Variants in EFNA5 observed in about 807,000 individuals in gnomAD.
EFNA5 encodes the protein ephrin A5.
Under a neutral mutation model 22.9 loss-of-function variants are expected in EFNA5, and 5 were observed. The observed-to-expected ratio is 0.22, with a 90% confidence interval of 0.11 to 0.46. The LOEUF is 0.46. EFNA5 is among the 20% of genes least tolerant of loss of function. The probability of loss-of-function intolerance (pLI) is 0.99; values close to 1 mark genes in which losing one functional copy is unlikely to be tolerated. For missense variants in EFNA5, 237 were observed against 293.3 expected, an observed-to-expected ratio of 0.81 and a Z score of 1.40; for synonymous variants, 113 against 112.2, an observed-to-expected ratio of 1.01 and a Z score of -0.04.
At chr5:107,513,898 AAG>A (rs1418214673) in intron 1 of EFNA5, among the ~76,000 whole-genome samples, 4 of 152,184 alleles carry the variant, frequency 2.6e-5, no homozygotes, top group African/African-American at 9.6e-5. Context: ...GTGATACAGT[AAG>A]AGAGGAGGAT....
chr5:107,597,780 G>A (rs891233849), intron 1 of EFNA5, among the ~76,000 whole-genome samples: 2 of 152,104 alleles, frequency 1.3e-5, no homozygotes, highest in Admixed American at 6.6e-5. Context: ...TGATAAAGGG[G>A]AAACGATATA....
intron 1 of EFNA5, among the ~76,000 whole-genome samples, chr5:107,591,987 TATAATATATATA>T (rs1425986698): frequency 1.4e-4 from 6 of 43,426 alleles, no homozygotes; most frequent in African/African-American, 2.4e-4. Flanking sequence ...ATATATAATA[TATAATATATATA>T]ATATATAATA....
chr5:107,670,482 G>A lies in EFNA5; in HGVS notation c.125+7C>T. ...TAGCCCTGGCTCTCCGCCTGTTATC[G>A]GCTTACCTGGGGTTGCTGCTGTTCC... On this transcript the variant is annotated splice_region_variant and intron_variant, in intron 1 of 4. Coordinates refer to ENST00000333274, the MANE Select transcript of EFNA5 (RefSeq NM_001962.3). 6.4e-7 allele frequency: 1 copy of A among 1,558,970 alleles called. No individual in the cohort carries two copies. Among genetic ancestry groups the A allele is most frequent in the Non-Finnish European group, 8.7e-7 (1 of 1,150,704 alleles).
intron 1 of EFNA5, among the ~76,000 whole-genome samples, chr5:107,479,002 C>T (rs1462230571): frequency 6.6e-6 from 1 of 152,028 alleles, no homozygotes; most frequent in Non-Finnish European, 1.5e-5. Flanking sequence ...ATTGAAAGGG[C>T]TCAATTTAAG....
chr5:107,644,157 T>C (rs901492200), intron 1 of EFNA5, among the ~76,000 whole-genome samples: 6 of 152,252 alleles, frequency 3.9e-5, no homozygotes, highest in Admixed American at 3.9e-4. Flanking sequence ...GAAGTGGCGA[T>C]ACAAGCTGAA....
At chr5:107,624,737 T>C (rs1750111084) in intron 1 of EFNA5, among the ~76,000 whole-genome samples, 1 of 151,870 alleles carries the variant, frequency 6.6e-6, no homozygotes, top group African/African-American at 2.4e-5. Context: ...CCTTAGCTAA[T>C]TCCCTTTAGT....
At chr5:107,523,626 G>A (rs948020103) in intron 1 of EFNA5, among the ~76,000 whole-genome samples, 7 of 152,298 alleles carry the variant, frequency 4.6e-5, no homozygotes, top group African/African-American at 1.7e-4. Flanking sequence ...TATCGTTAAC[G>A]GAGAATACAG....
intron 1 of EFNA5, among the ~76,000 whole-genome samples, chr5:107,629,006 T>C (rs1750192169): frequency 6.6e-6 from 1 of 152,142 alleles, no homozygotes; most frequent in Non-Finnish European, 1.5e-5. Context: ...TCCTAAGTGA[T>C]TTTCCTAAAG....
chr5:107,541,233 C>T (rs144614880), intron 1 of EFNA5, among the ~76,000 whole-genome samples: 3 of 152,072 alleles, frequency 2.0e-5, no homozygotes, highest in East Asian at 1.9e-4. Context: ...ATTATATTCA[C>T]GGTATGATTA....
intron 1 of EFNA5, among the ~76,000 whole-genome samples, chr5:107,496,539 A>ACATGTTTGG (rs80094590): frequency 0.1 from 15,527 of 152,012 alleles, 829 homozygotes; most frequent in East Asian, 0.18. Flanking sequence ...AACGCTACCT[A>ACATGTTTGG]CATGTTTGGT....
intron 1 of EFNA5, among the ~76,000 whole-genome samples, chr5:107,664,609 C>T (rs906093465): frequency 4.6e-5 from 7 of 152,118 alleles, no homozygotes; most frequent in Non-Finnish European, 1.0e-4. Context: ...AATATTAATA[C>T]CTCATTTCTT....
rs70996962 is a variant in EFNA5 at position 107,569,559 on chromosome 5, T to TTATATATATATATATATATATA, written c.125+100908_125+100929dup. Among the ~76,000 whole-genome samples the TTATATATATATATATATATATA allele has an allele frequency of 1.2e-4, 5 of 42,490 alleles. 1 individual carries two copies. Among genetic ancestry groups the TTATATATATATATATATATATA allele is most frequent in the Admixed American group, 2.7e-4 (1 of 3,772 alleles). The allele number at this position is 42,490 out of a possible 152,430, so 27.9% of individuals were successfully genotyped here. A position where few individuals can be genotyped will look rare whatever the true frequency, so the allele number is the denominator to read the frequency against. On this transcript the variant is annotated intron_variant, in intron 1 of 4. Transcript: ENST00000333274. ...TATATATATGTGTGTATATATATAT[T>TTATATATATATATATATATATA]TATATATATATATATATATATATAT...
At chr5:107,521,395 A>C (rs1747592671) in intron 1 of EFNA5, among the ~76,000 whole-genome samples, 1 of 150,808 alleles carries the variant, frequency 6.6e-6, no homozygotes, top group African/African-American at 2.4e-5. Context: ...GACTCAAGTG[A>C]TCCTCCTACC....
chr5:107,495,158 CA>C (rs574445801), intron 1 of EFNA5, among the ~76,000 whole-genome samples: 247 of 152,298 alleles, frequency 1.6e-3, no homozygotes, highest in African/African-American at 5.6e-3. Flanking sequence ...TCGCTCTTTG[CA>C]ATAAATCTTG....
intron 1 of EFNA5, among the ~76,000 whole-genome samples, chr5:107,510,920 G>A (rs1747354177): frequency 6.6e-6 from 1 of 151,694 alleles, no homozygotes; most frequent in Non-Finnish European, 1.5e-5. Context: ...TAAACTACAT[G>A]GTTAATTCAA....
intron 1 of EFNA5, among the ~76,000 whole-genome samples, chr5:107,656,696 C>T (rs1202753842): frequency 2.0e-5 from 3 of 151,946 alleles, no homozygotes; most frequent in African/African-American, 7.3e-5. Context: ...TTTTTAAAGT[C>T]CTGCCACATA....
chr5:107,445,845 A>AGTTT (rs1361769497), intron 1 of EFNA5, among the ~76,000 whole-genome samples: 3 of 152,250 alleles, frequency 2.0e-5, no homozygotes, highest in Non-Finnish European at 4.4e-5. Flanking sequence ...TGGTACATAA[A>AGTTT]GTTTGTTAAT....
intron 1 of EFNA5, among the ~76,000 whole-genome samples, chr5:107,533,484 G>A (rs1343119768): frequency 1.3e-5 from 2 of 152,142 alleles, no homozygotes; most frequent in East Asian, 1.9e-4. Context: ...GCTGTGTCAA[G>A]TGCTTGCTTT....
intron 1 of EFNA5, among the ~76,000 whole-genome samples, chr5:107,470,183 C>A (rs1750099762): frequency 6.6e-6 from 1 of 152,168 alleles, no homozygotes. Flanking sequence ...AGTGCCAAAT[C>A]TGGCATTCTC....
Sources: gnomAD v4.1 joint callset for allele counts (sites outside exome capture counted in the v4.1 genomes callset) on GRCh38, gnomAD v4.1.1 for gene constraint, MANE v1.5 for transcripts, NCBI Gene and HGNC (gene_info 2026-07-23, HGNC 2026-07-21) for gene names.